VSIG2: variants seen among roughly 807,000 people sequenced by gnomAD.
The protein encoded by VSIG2 is V-set and immunoglobulin domain-containing protein 2.
VSIG2 carries 30 observed loss-of-function variants against 29.4 expected under a neutral mutation model. That is an observed-to-expected ratio of 1.02 (90% CI 0.76 to 1.38). The LOEUF is 1.38. Ranked by LOEUF, VSIG2 falls within the 40% of genes most tolerant of loss-of-function variation. The probability of loss-of-function intolerance (pLI) is 0.00; values close to 1 mark genes in which losing one functional copy is unlikely to be tolerated. For missense variants in VSIG2, 421 were observed against 400.8 expected (o/e 1.05, Z -0.43); for synonymous variants, 178 against 174.2 (o/e 1.02, Z -0.17).
chr11:124,748,333 C>T lies in VSIG2; in HGVS notation c.851+57G>A. The T allele has an allele frequency of 2.6e-6, 4 of 1,535,662 alleles. No individual in the cohort carries two copies. In the Admixed American group the frequency reaches 5.8e-5, roughly 22 times the overall value. ...GGAGTTTGAGGGTTGCAGGCACCCG[C>T]TTTTAACTCAAGCCCTTTCCTCCCT... is the stretch of plus-strand genomic sequence containing the variant. On this transcript the variant is annotated intron_variant, in intron 6 of 6. Transcript: ENST00000326621.
chr11:124,752,220 C>T lies in VSIG2; in HGVS notation c.-83G>A, dbSNP rs1005739565. On this transcript the variant is annotated 5_prime_UTR_variant, in exon 1 of 7. Coordinates refer to ENST00000326621, the MANE Select transcript of VSIG2 (RefSeq NM_014312.5). ...GGTGTCGGGCAGGGAAGGGAGCACCCAAGGGCAGCCGCCCGGGCTGGGCAG... is the reference window on the plus strand; with the variant it reads ...GGTGTCGGGCAGGGAAGGGAGCACCTAAGGGCAGCCGCCCGGGCTGGGCAG... 75 of 1,409,364 alleles carry T rather than the reference C, an allele frequency of 5.3e-5. No individual in the cohort carries two copies. The highest frequency in any genetic ancestry group is 6.1e-5 in the Non-Finnish European group (65 of 1,064,324). 87.3% of individuals were successfully genotyped at this position (1,409,364 alleles called of 1,614,324 possible).
rs770860371 is a variant in VSIG2, at chr11:124,752,049, G to T, written c.61+28C>A. 2.5e-6 allele frequency: 4 copies of T among 1,579,324 alleles called. No homozygotes were observed. In the Admixed American group the frequency reaches 7.2e-5, roughly 29 times the overall value. On this transcript the variant is annotated intron_variant, in intron 1 of 6. Coordinates refer to ENST00000326621, the MANE Select transcript of VSIG2 (RefSeq NM_014312.5). The stretch of plus-strand genomic sequence containing the variant: ...GCCAGGCCTATGCCCCCCAGCCCTC[G>T]CCGTGGTCCCGCCCGGCCCCTCCTC...
Position 124,750,867 on chromosome 11 carries a change from C to G in VSIG2, c.274G>C (p.Val92Leu). Residue 92 changes from valine (V) to leucine (L), a missense_variant, in exon 3 of 7, where the codon GTC becomes CTC. Val to Leu is a conservative substitution (Grantham distance 32, BLOSUM62 1). Transcript: ENST00000326621. ...GTGGGGGGGTTCTGAAGCAGGCTGACCCGCTTTGACTTAGAACCAGTTGGA... is the reference window on the plus strand; with the variant it reads ...GTGGGGGGGTTCTGAAGCAGGCTGAGCCGCTTTGACTTAGAACCAGTTGGA... ...LYPTGSKSKR[V>L]SLLQNPPTVG... The G allele has an allele frequency of 6.2e-7, 1 of 1,614,020 alleles. No individual in the cohort carries two copies. Among genetic ancestry groups the G allele is most frequent in the South Asian group, 1.1e-5 (1 of 91,080 alleles).
Position 124,752,237 on chromosome 11 carries a change from G to T in VSIG2, c.-100C>A, listed in dbSNP as rs1944096942. ...GGAGCACCCAAGGGCAGCCGCCCGG[G>T]CTGGGCAGGAGCGAGACTGGTATCT... On this transcript the variant is annotated 5_prime_UTR_variant, in exon 1 of 7. Transcript: ENST00000326621. 2 of 1,285,396 alleles carry T rather than the reference G, an allele frequency of 1.6e-6. No homozygotes were observed. Among genetic ancestry groups the T allele is most frequent in the Non-Finnish European group, 1.0e-6 (1 of 957,888 alleles). The allele number at this position is 1,285,396 out of a possible 1,614,324, so 79.6% of individuals were successfully genotyped here. A position where few individuals can be genotyped will look rare whatever the true frequency, so the allele number is the denominator to read the frequency against.
rs755942180 is a variant in VSIG2 at position 124,747,648 on chromosome 11, C to T, written c.871G>A (p.Gly291Arg). Residue 291 changes from glycine (G) to arginine (R), a missense_variant, in exon 7 of 7, where the codon GGG becomes AGG. Coordinates refer to ENST00000326621, the MANE Select transcript of VSIG2 (RefSeq NM_014312.5). ...CTCATACAAGTGTGCTCAGAGATCC[C>T]AGGAGCGATGGCATCCTCCCTGATG... ...SDLREDAIAP[G>R]ISEHTCMRAD... 5 of 1,613,766 alleles carry T rather than the reference C, an allele frequency of 3.1e-6. No homozygotes were observed. The highest frequency in any genetic ancestry group is 4.2e-6 in the Non-Finnish European group (5 of 1,179,876).
At chr11:124,751,680 C>T (rs1944088732) in intron 1 of VSIG2, 100 bp from the exon 2 acceptor site, 1 of 1,273,880 alleles carries the variant, frequency 7.9e-7, no homozygotes. Context: ...GGGGCTCCCT[C>T]CCCAGAGCAC....
In VSIG2 at chr11:124,749,884, A is replaced by AAAACAAAAAAAAAAC; in HGVS notation, c.428-19_428-18insGTTTTTTTTTTGTTT. ...GGGGGGAACTGCAAAAAAAAAAAAA[A>AAAACAAAAAAAAAAC]AAAAAAAAAAACAGAAAGTTCCTCA... is the stretch of plus-strand genomic sequence containing the variant. On this transcript the variant is annotated intron_variant, in intron 3 of 6. Transcript: ENST00000326621. 2.1e-6 allele frequency: 3 copies of AAAACAAAAAAAAAAC among 1,460,320 alleles called. No homozygotes were observed. Among genetic ancestry groups the AAAACAAAAAAAAAAC allele is most frequent in the South Asian group, 2.5e-5 (2 of 79,068 alleles). The allele number at this position is 1,460,320 out of a possible 1,614,324, so 90.5% of individuals were successfully genotyped here.
At position 124,748,675 on chromosome 11, in the gene VSIG2, A is replaced by G; in HGVS notation, c.675T>C (p.Ser225=). Reference sequence around the variant, plus strand: ...CAGAGAGGGTCAGCTCACAGGATGCACTGCCCATCTGGTTGGTGGCCACAC... The same window carrying G: ...CAGAGAGGGTCAGCTCACAGGATGCGCTGCCCATCTGGTTGGTGGCCACAC... ...YRCVATNQMG[S]ASCELTLSVT... is the part of the protein sequence containing the mutation. Residue 225 remains serine, a synonymous_variant, in exon 5 of 7, where the codon AGT becomes AGC. Transcript: ENST00000326621. 1.9e-6 allele frequency: 3 copies of G among 1,613,992 alleles called. No individual in the cohort carries two copies. The highest frequency in any genetic ancestry group is 2.5e-6 in the Non-Finnish European group (3 of 1,179,940).
chr11:124,748,652 G>C lies in VSIG2; in HGVS notation c.698C>G (p.Ser233Cys). ...CCACCCAGCATCCCTACCGGTCACA[G>C]AGAGGGTCAGCTCACAGGATGCACT... ...MGSASCELTL[S>C]VTEPSQGRVA... Residue 233 changes from serine (S) to cysteine (C), a missense_variant, in exon 5 of 7, where the codon TCT (serine) becomes TGT (cysteine). Transcript: ENST00000326621. 6.2e-7 allele frequency: 1 copy of C among 1,613,338 alleles called. No homozygotes were observed. Among genetic ancestry groups the C allele is most frequent in the Non-Finnish European group, 8.5e-7 (1 of 1,179,522 alleles).
intron 3 of VSIG2, 85 bp from the exon 4 acceptor site, chr11:124,749,951 T>C: frequency 1.5e-6 from 2 of 1,370,484 alleles, no homozygotes; most frequent in Non-Finnish European, 1.9e-6. Context: ...AGGTGCTACA[T>C]TCTCTACTTC....
chr11:124,748,025 G>C (rs1050221946), intron 6 of VSIG2: 26 of 361,200 alleles, frequency 7.2e-5, no homozygotes, highest in Non-Finnish European at 1.2e-4. Flanking sequence ...ATTGAACTCA[G>C]CTGACTGCTC....
At position 124,748,626 on chromosome 11, in the gene VSIG2, T is replaced by G. The variant is rs373426043; in HGVS notation, c.706+18A>C. The G allele has an allele frequency of 3.7e-5, 59 of 1,609,842 alleles. No homozygotes were observed. The highest frequency in any genetic ancestry group is 4.8e-5 in the Non-Finnish European group (56 of 1,177,526). ...CCAACACAAGGCTGCTGGCCTGGCC[T>G]CCACCCAGCATCCCTACCGGTCACA... On this transcript the variant is annotated intron_variant, in intron 5 of 6. Transcript: ENST00000326621.
At chr11:124,751,714 C>T (rs1944089153) in intron 1 of VSIG2, 134 bp from the exon 2 acceptor site, 1 of 1,047,968 alleles carries the variant, frequency 9.5e-7, no homozygotes, top group Non-Finnish European at 1.3e-6. Flanking sequence ...CAATCCAACC[C>T]CTCCCTTCCC....
chr11:124,749,931 C>T, intron 3 of VSIG2, 65 bp from the exon 4 acceptor site: 1 of 1,454,430 alleles, frequency 6.9e-7, no homozygotes, highest in South Asian at 1.4e-5. Flanking sequence ...GCCCCACTCC[C>T]AACTCCATTA....
In VSIG2 at chr11:124,750,907, G is replaced by C; in HGVS notation, c.234C>G (p.Thr78=). ...AACCAGTTGGATACAGATGGCCATTGGTGAAGTACAGGATCTGGGGAGAGG... is the reference window on the plus strand; with the variant it reads ...AACCAGTTGGATACAGATGGCCATTCGTGAAGTACAGGATCTGGGGAGAGG... ...ISESHPILYF[T]NGHLYPTGSK... Residue 78 remains threonine, a synonymous_variant, in exon 3 of 7, where the codon ACC becomes ACG. Transcript: ENST00000326621. 1 of 1,614,074 alleles carries C rather than the reference G, an allele frequency of 6.2e-7. No individual in the cohort carries two copies. The highest frequency in any genetic ancestry group is 8.5e-7 in the Non-Finnish European group (1 of 1,179,992).
At position 124,748,428 on chromosome 11, in the gene VSIG2, C is replaced by A; in HGVS notation, c.813G>T (p.Gly271=). The A allele has an allele frequency of 6.2e-7, 1 of 1,614,110 alleles. No individual in the cohort carries two copies. The highest frequency in any genetic ancestry group is 1.1e-5 in the South Asian group (1 of 91,080). ...CCCCATATGTCTCCTTGGGCTTCTT[C>A]CCCCTCTCTTTCTGGAACCTGACCA... ...FCLVRFQKER[G]KKPKETYGGS... The change falls in exon 6 of 7, where the codon GGG becomes GGT. Residue 271 remains glycine (G), a synonymous_variant. Coordinates refer to ENST00000326621, the MANE Select transcript of VSIG2 (RefSeq NM_014312.5).
Position 124,752,120 on chromosome 11 carries a change from C to T in VSIG2, c.18G>A (p.Gly6=). Residue 6 remains glycine, a synonymous_variant, in exon 1 of 7, where the codon GGG becomes GGA. Coordinates refer to ENST00000326621, the MANE Select transcript of VSIG2 (RefSeq NM_014312.5). ...CTAGCAGGGCCCCGCAGAGAAAGGG[C>T]CCCGGGAGCTCGGCCATGGCCGCGT... MAELP[G]PFLCGALLGF... is the part of the protein sequence containing the mutation. The T allele has an allele frequency of 6.2e-7, 1 of 1,604,476 alleles. No homozygotes were observed. The highest frequency in any genetic ancestry group is 8.5e-7 in the Non-Finnish European group (1 of 1,178,318).
chr11:124,748,395 G>A lies in VSIG2; in HGVS notation c.846C>T (p.Asp282=), dbSNP rs773675289. 7.5e-6 allele frequency: 12 copies of A among 1,609,706 alleles called. No homozygotes were observed. Among genetic ancestry groups the A allele is most frequent in the Non-Finnish European group, 1.0e-5 (12 of 1,178,240 alleles). Residue 282 remains aspartate, a synonymous_variant, in exon 6 of 7, where the codon GAC becomes GAT. Transcript: ENST00000326621. ...KKPKETYGGS[D]LREDAIAPGI... is the part of the protein sequence containing the mutation. ...CCCCCAGCCCTCCTGCTCACCGAAG[G>A]TCACTACCCCCATATGTCTCCTTGG...
At chr11:124,748,185 TG>T in intron 6 of VSIG2, 1 of 557,422 alleles carries the variant, frequency 1.8e-6, no homozygotes, top group Non-Finnish European at 3.1e-6. Flanking sequence ...CCACAGCTTG[TG>T]GACCAGCCAC....
Sources: allele counts gnomAD v4.1 joint callset, GRCh38; gene constraint gnomAD v4.1.1; transcripts MANE v1.5; gene names NCBI Gene and HGNC (gene_info 2026-07-23, HGNC 2026-07-21).